HUWE1: variants seen among roughly 807,000 people sequenced by gnomAD.
HUWE1 encodes the protein E3 ubiquitin-protein ligase HUWE1.
A neutral mutation model predicts 299.4 loss-of-function variants in HUWE1; 18 were observed. The observed-to-expected ratio is 0.06, with a 90% CI of 0.04 to 0.09. HUWE1 has a LOEUF of 0.09. Ranked by LOEUF, HUWE1 falls within the 10% of genes least tolerant of loss-of-function variation. The pLI, the probability that HUWE1 is intolerant of heterozygous loss-of-function variation, is 1.00. For missense variants in HUWE1, 1,832 were observed against 3,462.3 expected (o/e 0.53, Z 11.82); for synonymous variants, 1,317 against 1,286.1 (o/e 1.02, Z -0.51).
chrX:53,535,319 CAAA>C, intron 81 of HUWE1, 62 bp downstream of exon 81: 1 of 708,694 alleles, frequency 1.4e-6, no homozygotes, highest in East Asian at 3.2e-5. Context: ...ACATGCCTAT[CAAA>C]TGAATCAAGT....
chrX:53,546,848 C>A (rs781827813), intron 68 of HUWE1, 23 bp from the exon 69 acceptor site: 4 of 1,195,205 alleles, frequency 3.3e-6, no homozygotes, highest in Non-Finnish European at 4.5e-6. Context: ...AGACAGAACA[C>A]TGTAAGCCTC....
chrX:53,568,598 A>C, intron 49 of HUWE1, 94 bp downstream of exon 49: 2 of 851,183 alleles, frequency 2.3e-6, no homozygotes, highest in Non-Finnish European at 3.4e-6. Context: ...TCCCACTTGT[A>C]CCCAAAGTTT....
intron 24 of HUWE1, among the ~76,000 whole-genome samples, chrX:53,608,030 C>T (rs1239849346): frequency 8.9e-6 from 1 of 111,944 alleles, no homozygotes; most frequent in African/African-American, 3.2e-5. Flanking sequence ...GTGCTCCTTG[C>T]CTACCTCTCT....
rs781877594 is a variant in HUWE1 at position 53,592,720 on chromosome X, A to G, written c.3742-92T>C. ...TAAAGACCTATGGAACAGTCCTTCC[A>G]CAACTAGTACCAGCAACAAAATAAT... On this transcript the variant is annotated intron_variant, in intron 32 of 83. Transcript: ENST00000262854. The G allele has an allele frequency of 2.5e-5, 16 of 634,751 alleles. 1 individual carries two copies. The South Asian group carries it at 3.6e-4, about 14-fold the overall frequency. 52.3% of individuals were successfully genotyped at this position (634,751 alleles called of 1,213,427 possible). A position where few individuals can be genotyped will look rare whatever the true frequency, so the allele number is the denominator to read the frequency against.
chrX:53,537,693 A>G lies in HUWE1; in HGVS notation c.12000T>C (p.Tyr4000=), dbSNP rs1556914364. 2.5e-6 allele frequency: 3 copies of G among 1,207,918 alleles called. No individual in the cohort carries two copies. The highest frequency in any genetic ancestry group is 1.1e-6 in the Non-Finnish European group (1 of 893,358). ...CTAAACGCTCCAGCTCTTGGCGGAA[A>G]TATCTTGGGAGGTAGAAAAGGAAGG... The part of the protein sequence containing the change: ...RVLDFDVKRK[Y]FRQELERLDE... Residue 4000 remains tyrosine, a synonymous_variant, in exon 78 of 84, where the codon TAT becomes TAC. Coordinates refer to ENST00000262854, the MANE Select transcript of HUWE1 (RefSeq NM_031407.7).
At chrX:53,685,553 T>A (rs2070401324) in intron 2 of HUWE1, among the ~76,000 whole-genome samples, 1 of 112,517 alleles carries the variant, frequency 8.9e-6, no homozygotes, top group African/African-American at 3.2e-5. Context: ...GATATTTGCC[T>A]ATTTACAAAC....
chrX:53,649,687 A>T (rs1308089289), intron 4 of HUWE1, among the ~76,000 whole-genome samples: 4 of 112,181 alleles, frequency 3.6e-5, no homozygotes, highest in African/African-American at 1.3e-4. Context: ...AATAGATAAC[A>T]TGGAAATTTG....
intron 7 of HUWE1, among the ~76,000 whole-genome samples, chrX:53,638,487 C>T (rs1486965883): frequency 8.9e-6 from 1 of 112,454 alleles, no homozygotes. Context: ...GCATATACAA[C>T]ACTACCTCAC....
intron 23 of HUWE1, among the ~76,000 whole-genome samples, chrX:53,609,601 T>C (rs1457164212): frequency 3.6e-5 from 4 of 112,429 alleles, no homozygotes; most frequent in African/African-American, 1.3e-4. Context: ...GGCTACAACA[T>C]GCCACAGCTG....
At chrX:53,559,646 A>G (rs1261611438) in intron 56 of HUWE1, 114 bp from the exon 57 acceptor site, 1 of 650,167 alleles carries the variant, frequency 1.5e-6, no homozygotes, top group Non-Finnish European at 2.5e-6. Flanking sequence ...ATGATTATAA[A>G]CCTGATGATG....
At chrX:53,589,406 T>C (rs1177108762) in intron 36 of HUWE1, 141 bp downstream of exon 36, 3 of 601,085 alleles carry the variant, frequency 5.0e-6, no homozygotes, top group Non-Finnish European at 5.6e-6. Context: ...GTTTCAGGAT[T>C]ACCAGATCGA....
chrX:53,609,800 T>G (rs1319625167), intron 23 of HUWE1, among the ~76,000 whole-genome samples: 1 of 110,628 alleles, frequency 9.0e-6, no homozygotes, highest in African/African-American at 3.3e-5. Context: ...GAGGGAGAGG[T>G]AGAGGAAGAA....
intron 37 of HUWE1, among the ~76,000 whole-genome samples, chrX:53,587,728 T>C (rs1556974629): frequency 9.0e-6 from 1 of 111,649 alleles, no homozygotes. Context: ...ACTCTTATAT[T>C]GGATTTATCC....
chrX:53,651,753 T>C (rs1193521762), intron 4 of HUWE1, among the ~76,000 whole-genome samples: 1 of 111,482 alleles, frequency 9.0e-6, no homozygotes, highest in African/African-American at 3.3e-5. Context: ...GGAACGAACT[T>C]GCCTGGTATA....
chrX:53,645,323 T>C lies in HUWE1; in HGVS notation c.492A>G (p.Gln164=), dbSNP rs1557034679. The C allele has an allele frequency of 3.3e-6, 4 of 1,211,293 alleles. No individual in the cohort carries two copies. The Admixed American group carries it at 6.5e-5, about 20-fold the overall frequency. ...ACCCAAGACTCACCTCTGCCAAATG[T>C]TGTAGCCGAGTTAGCAGCGGGGTCC... The part of the protein sequence containing the change: ...DKRTPLLTRL[Q]HLAESWGGKE... The change falls in exon 7 of 84, where the codon CAA becomes CAG. Residue 164 remains glutamine, a synonymous_variant. Transcript: ENST00000262854.
At chrX:53,585,727 G>C (rs1485915378) in intron 39 of HUWE1, among the ~76,000 whole-genome samples, 1 of 111,872 alleles carries the variant, frequency 8.9e-6, no homozygotes, top group African/African-American at 3.3e-5. Context: ...TGTCACCTAG[G>C]CTGGAGTGCA....
At chrX:53,592,752 A>G in intron 32 of HUWE1, 124 bp from the exon 33 acceptor site, 5 of 541,173 alleles carry the variant, frequency 9.2e-6, no homozygotes, top group South Asian at 7.6e-5. Context: ...TAATTGGCCA[A>G]CATGAGGAGG....
chrX:53,632,730 C>G (rs1557023761), intron 8 of HUWE1, among the ~76,000 whole-genome samples, 166 bp from the exon 9 acceptor site: 1 of 112,179 alleles, frequency 8.9e-6, no homozygotes, highest in East Asian at 2.8e-4. Flanking sequence ...TGTCTTAGAG[C>G]AGAGCTCAGA....
intron 8 of HUWE1, 58 bp downstream of exon 8, chrX:53,634,178 G>T: frequency 2.2e-6 from 2 of 908,063 alleles, no homozygotes; most frequent in Non-Finnish European, 3.2e-6. Context: ...GTAAAGTAAG[G>T]TTCACAGAGA....
Sources: gnomAD v4.1 joint callset for allele counts (sites outside exome capture counted in the v4.1 genomes callset) on GRCh38, gnomAD v4.1.1 for gene constraint, MANE v1.5 for transcripts, NCBI Gene and HGNC (gene_info 2026-07-23, HGNC 2026-07-21) for gene names.